Variants in PSG9 observed in about 807,000 individuals in gnomAD.
PSG9 encodes the protein pregnancy specific beta-1-glycoprotein 9, also known as pregnancy-specific beta-1-glycoprotein 9.
A neutral mutation model predicts 41.9 loss-of-function variants in PSG9; 49 were observed. That is an observed-to-expected ratio of 1.17 (90% confidence interval 0.93 to 1.48). The LOEUF is 1.48. PSG9 is among the 40% of genes most tolerant of loss of function. The probability of loss-of-function intolerance (pLI) is 0.00; values close to 1 mark genes in which losing one functional copy is unlikely to be tolerated. For missense variants in PSG9, 641 were observed against 520.3 expected (o/e 1.23, Z -2.26); for synonymous variants, 263 against 196.8 (o/e 1.34, Z -2.82).
chr19:43,253,777 A>T (rs1450591848), intron 5 of PSG9, 131 bp from the exon 6 acceptor site: 1 of 565,864 alleles, frequency 1.8e-6, no homozygotes, highest in African/African-American at 2.1e-5. Flanking sequence ...ATTTAACTCT[A>T]ATGGGTGGCT....
At position 43,266,336 on chromosome 19, in the gene PSG9, C is replaced by A. The variant is rs536814226; in HGVS notation, c.430+1448G>T. Among the ~76,000 whole-genome samples, 990 of 151,424 alleles carry A rather than the reference C, an allele frequency of 6.5e-3. 19 individuals carry two copies. The highest frequency in any genetic ancestry group is 0.023 in the African/African-American group (954 of 41,324). ...GGACAAGGGACAGGTGTGGCTAGAA[C>A]CTCCTAGGATTCTGCATGCAAATTC... is the stretch of plus-strand genomic sequence containing the variant. On this transcript the variant is annotated intron_variant, in intron 2 of 5. Transcript: ENST00000270077.
chr19:43,255,918 A>G (rs1411383659), intron 5 of PSG9, among the ~76,000 whole-genome samples: 7 of 146,708 alleles, frequency 4.8e-5, no homozygotes, highest in African/African-American at 1.8e-4. Flanking sequence ...TTGTTAGGAG[A>G]ACAGTGCTAC....
In PSG9 at chr19:43,258,658, C is replaced by T. The variant is rs1302497073; in HGVS notation, c.988+199G>A. Among the ~76,000 whole-genome samples the T allele has an allele frequency of 1.4e-5, 2 of 146,214 alleles. 1 individual carries two copies. Among genetic ancestry groups the T allele is most frequent in the Non-Finnish European group, 3.0e-5 (2 of 67,328 alleles). On this transcript the variant is annotated intron_variant, in intron 4 of 5. Coordinates refer to ENST00000270077, the MANE Select transcript of PSG9 (RefSeq NM_002784.5). ...GCTGTGGGCCCCAAGTCTCCCATGA[C>T]AAGAGCATCCACTCCCCTTATATTC...
intron 2 of PSG9, among the ~76,000 whole-genome samples, chr19:43,265,666 T>C (rs1307472031): frequency 3.3e-5 from 5 of 152,104 alleles, no homozygotes; most frequent in Non-Finnish European, 5.9e-5. Context: ...CTTGGAGTCA[T>C]TAAAATCTTT....
chr19:43,258,543 G>A, intron 4 of PSG9, 87 bp from the exon 5 acceptor site: 1 of 1,490,074 alleles, frequency 6.7e-7, no homozygotes, highest in Non-Finnish European at 8.9e-7. Flanking sequence ...GTGACCCTCT[G>A]AGCCAAGACA....
At position 43,255,463 on chromosome 19, in the gene PSG9, C is replaced by T; in HGVS notation, c.1244-1817G>A. Among the ~76,000 whole-genome samples, 2 of 146,166 alleles carry T rather than the reference C, an allele frequency of 1.4e-5. 1 individual carries two copies. Among genetic ancestry groups the T allele is most frequent in the Non-Finnish European group, 3.0e-5 (2 of 67,336 alleles). On this transcript the variant is annotated intron_variant, in intron 5 of 5. Transcript: ENST00000270077. Reference sequence around the variant, plus strand: ...ATGAGCAGTAACAAGACAAGGATGCCTGCTTTTGACACTTTTATTCAACGT... The same window carrying T: ...ATGAGCAGTAACAAGACAAGGATGCTTGCTTTTGACACTTTTATTCAACGT...
At chr19:43,258,001 C>A (rs753542611) in intron 5 of PSG9, 5 of 1,506,032 alleles carry the variant, frequency 3.3e-6, no homozygotes, top group Non-Finnish European at 4.4e-6. Context: ...AGGCCAGACA[C>A]AAGGTCAGCC....
intron 2 of PSG9, among the ~76,000 whole-genome samples, chr19:43,266,414 A>G (rs6509074): frequency 0.87 from 132,172 of 151,640 alleles, 58,039 homozygotes; most frequent in East Asian, 1. Flanking sequence ...TTCTTCATTC[A>G]TTATGTGAGA....
intron 2 of PSG9, among the ~76,000 whole-genome samples, chr19:43,264,462 C>T (rs937647007): frequency 2.9e-4 from 44 of 151,760 alleles, no homozygotes; most frequent in Admixed American, 2.9e-3. Flanking sequence ...TCTCTGACAG[C>T]ATTTTTTTTT....
intron 3 of PSG9, chr19:43,260,285 A>G (rs1481544873): frequency 1.4e-5 from 2 of 147,074 alleles, no homozygotes; most frequent in Non-Finnish European, 3.0e-5. Context: ...TAGTTCACAC[A>G]GATTGAGTAT....
chr19:43,267,834 C>G lies in PSG9; in HGVS notation c.380G>C (p.Arg127Pro). The G allele has an allele frequency of 6.2e-7, 1 of 1,613,510 alleles. No homozygotes were observed. Among genetic ancestry groups the G allele is most frequent in the Non-Finnish European group, 8.5e-7 (1 of 1,179,620 alleles). The change falls in exon 2 of 6, where the codon CGA (arginine) becomes CCA (proline). Residue 127 changes from arginine (R) to proline (P), a missense_variant. Transcript: ENST00000270077. ...AGTYTLHIIK[R>P]GDETREEIRH... ...AATTTCTTCTCTAGTCTCATCACCT[C>G]GCTTTATGATGTGTAAGGTGTAGGT...
chr19:43,259,526 CT>C (rs1272256345), intron 3 of PSG9: 1 of 236,040 alleles, frequency 4.2e-6, no homozygotes, highest in African/African-American at 2.4e-5. Flanking sequence ...CTTTGCCCCC[CT>C]ATATGTGATT....
Position 43,254,799 on chromosome 19 carries a change from G to C in PSG9, c.1244-1153C>G, listed in dbSNP as rs376336691. Reference sequence around the variant, plus strand: ...GTTTAAAATTACTCAAATCAGAAATGAAAATGGACTCTGAGCATGGTGGGT... The same window carrying C: ...GTTTAAAATTACTCAAATCAGAAATCAAAATGGACTCTGAGCATGGTGGGT... On this transcript the variant is annotated intron_variant, in intron 5 of 5. Coordinates refer to ENST00000270077, the MANE Select transcript of PSG9 (RefSeq NM_002784.5). Among the ~76,000 whole-genome samples the C allele has an allele frequency of 5.3e-3, 772 of 146,012 alleles. 101 individuals carry two copies. Among genetic ancestry groups the C allele is most frequent in the African/African-American group, 0.02 (757 of 38,302 alleles).
Position 43,253,581 on chromosome 19 carries a change from CT to C in PSG9, c.*27del. 1.3e-6 allele frequency: 1 copy of C among 749,882 alleles called. No individual in the cohort carries two copies. The allele number at this position is 749,882 out of a possible 1,614,324, so 46.5% of individuals were successfully genotyped here. A position where few individuals can be genotyped will look rare whatever the true frequency, so the allele number is the denominator to read the frequency against. On this transcript the variant is annotated 3_prime_UTR_variant, in exon 6 of 6. Transcript: ENST00000270077. ...AATTTCATGAAGGTATCAGCCTGTT[CT>C]TTTTCTCAGTGTCTCAGTTGTTGCA...
chr19:43,253,398 C>A lies in PSG9; in HGVS notation c.*211G>T, dbSNP rs1283326750. Reference sequence around the variant, plus strand: ...AAGCAAATATTTCAATTTTTGTTTACAAAAGTATACTTTACCAATTGCTGA... The same window carrying A: ...AAGCAAATATTTCAATTTTTGTTTAAAAAAGTATACTTTACCAATTGCTGA... On this transcript the variant is annotated 3_prime_UTR_variant, in exon 6 of 6. Coordinates refer to ENST00000270077, the MANE Select transcript of PSG9 (RefSeq NM_002784.5). 9.8e-6 allele frequency: 4 copies of A among 406,934 alleles called. 1 individual carries two copies. The highest frequency in any genetic ancestry group is 1.7e-5 in the Non-Finnish European group (4 of 232,816). The allele number at this position is 406,934 out of a possible 1,614,324, so 25.2% of individuals were successfully genotyped here.
At chr19:43,261,271 G>A (rs1365611399) in intron 3 of PSG9, among the ~76,000 whole-genome samples, 1 of 71,414 alleles carries the variant, frequency 1.4e-5, no homozygotes, top group East Asian at 2.4e-3. Context: ...GGATGAAACA[G>A]ACATAGACCC....
intron 2 of PSG9, among the ~76,000 whole-genome samples, chr19:43,266,958 A>C (rs1489173101): frequency 1.3e-5 from 2 of 152,158 alleles, no homozygotes; most frequent in African/African-American, 4.8e-5. Flanking sequence ...ATTCACAGTC[A>C]CCTGACCTAA....
intron 2 of PSG9, among the ~76,000 whole-genome samples, chr19:43,263,134 A>T (rs1239974802): frequency 1.3e-5 from 2 of 152,104 alleles, no homozygotes; most frequent in African/African-American, 4.8e-5. Context: ...TGTACCTCCT[A>T]TCAGTGGATT....
rs1168916660 is a variant in PSG9, at chr19:43,253,537, T to A, written c.*72A>T. 4 of 628,400 alleles carry A rather than the reference T, an allele frequency of 6.4e-6. No individual in the cohort carries two copies. The highest frequency in any genetic ancestry group is 4.0e-5 in the African/African-American group (2 of 50,048). 38.9% of individuals were successfully genotyped at this position (628,400 alleles called of 1,614,324 possible). On this transcript the variant is annotated 3_prime_UTR_variant, in exon 6 of 6. Transcript: ENST00000270077. Reference sequence around the variant, plus strand: ...ATTATTTAGTCCAATAACATTGAGTTTTTTTCTTCTTTGTCTTGAATTTCA... The same window carrying A: ...ATTATTTAGTCCAATAACATTGAGTATTTTTCTTCTTTGTCTTGAATTTCA...
Sources: allele counts gnomAD v4.1 joint callset (sites outside exome capture counted in the v4.1 genomes callset), GRCh38; gene constraint gnomAD v4.1.1; transcripts MANE v1.5; gene names NCBI Gene and HGNC (gene_info 2026-07-23, HGNC 2026-07-21).